FER: variants seen among roughly 807,000 people sequenced by gnomAD.
FER encodes the protein FER tyrosine kinase.
FER carries 63 observed loss-of-function variants against 111.0 expected under a neutral mutation model. That is an observed-to-expected ratio of 0.57 (90% confidence interval 0.46 to 0.70). The LOEUF (loss-of-function observed/expected upper bound fraction) is 0.70. FER is among the 30% of genes least tolerant of loss of function. The pLI is 0.00. For synonymous variants in FER, 327 were observed against 313.9 expected, an observed-to-expected ratio of 1.04 and a Z score of -0.44; for missense variants, 914 against 954.0, an observed-to-expected ratio of 0.96 and a Z score of 0.55.
At chr5:108,840,655 A>G (rs1405403586) in intron 5 of FER, among the ~76,000 whole-genome samples, 2 of 152,144 alleles carry the variant, frequency 1.3e-5, no homozygotes, top group Admixed American at 6.5e-5. Flanking sequence ...AAATTTAAGG[A>G]TAGTTCTAGA....
chr5:109,154,895 G>A (rs769016295), intron 17 of FER, among the ~76,000 whole-genome samples: 9 of 151,840 alleles, frequency 5.9e-5, no homozygotes, highest in Non-Finnish European at 1.2e-4. Flanking sequence ...CAGTGGCTTC[G>A]TGTATAAAAC....
Position 108,903,203 on chromosome 5 carries a change from C to T in FER, c.1236+5355C>T, listed in dbSNP as rs77321181. Among the ~76,000 whole-genome samples the T allele has an allele frequency of 7.8e-3, 1,185 of 152,134 alleles. 21 individuals carry two copies. Among genetic ancestry groups the T allele is most frequent in the African/African-American group, 0.027 (1,134 of 41,496 alleles). ...ATTAGCTAGTCTGTATGATAATTGC[C>T]TTTGTTTCTGAAATTGCACATTTTG... is the stretch of plus-strand genomic sequence containing the variant. On this transcript the variant is annotated intron_variant, in intron 10 of 19. Transcript: ENST00000281092.
chr5:108,961,511 C>T (rs1460961682), intron 13 of FER, among the ~76,000 whole-genome samples: 1 of 152,106 alleles, frequency 6.6e-6, no homozygotes, highest in Non-Finnish European at 1.5e-5. Flanking sequence ...TCTGATAGAA[C>T]TAGCTATGAA....
chr5:108,897,825 G>C lies in FER; in HGVS notation c.1213G>C (p.Asp405His), dbSNP rs755472885. The C allele has an allele frequency of 6.2e-7, 1 of 1,611,912 alleles. No individual in the cohort carries two copies. The highest frequency in any genetic ancestry group is 1.1e-5 in the South Asian group (1 of 90,676). The change falls in exon 10 of 20, where the codon GAT becomes CAT. Residue 405 changes from aspartate to histidine, a missense_variant. By Grantham distance (81) the Asp-to-His change is moderately conservative. Coordinates refer to ENST00000281092, the MANE Select transcript of FER (RefSeq NM_005246.4). ...EPPPVVNYEEDARSVTSMERK... is the reference protein window; with the variant it reads ...EPPPVVNYEEHARSVTSMERK... ...ACCTCCAGTAGTAAATTATGAAGAA[G>C]ATGCACGATCAGTTACATCTATGGT...
At chr5:108,833,054 A>G (rs1760215531) in intron 4 of FER, 111 bp downstream of exon 4, 2 of 922,686 alleles carry the variant, frequency 2.2e-6, no homozygotes, top group African/African-American at 1.7e-5. Context: ...CCAACAAGAA[A>G]TAGGTTTATG....
At chr5:108,898,289 C>G (rs1326316890) in intron 10 of FER, among the ~76,000 whole-genome samples, 9 of 152,026 alleles carry the variant, frequency 5.9e-5, no homozygotes, top group Admixed American at 3.9e-4. Context: ...TTTTTTTCTG[C>G]TCATAAATGT....
intron 13 of FER, among the ~76,000 whole-genome samples, chr5:109,034,953 T>G (rs1302464073): frequency 6.6e-6 from 1 of 151,940 alleles, no homozygotes; most frequent in Non-Finnish European, 1.5e-5. Context: ...AAAATGAACT[T>G]TATGGATGTG....
chr5:109,035,610 C>CT (rs1300730810), intron 13 of FER, among the ~76,000 whole-genome samples: 2 of 152,068 alleles, frequency 1.3e-5, no homozygotes, highest in African/African-American at 4.8e-5. Flanking sequence ...TTTGATGAAT[C>CT]TTTTTGTGGA....
In FER at chr5:108,962,086, C is replaced by T. The variant is rs1183247313; in HGVS notation, c.1656+2739C>T. Among the ~76,000 whole-genome samples the T allele has an allele frequency of 2.0e-5, 3 of 152,226 alleles. No individual in the cohort carries two copies. The East Asian group carries it at 5.8e-4, about 29-fold the overall frequency. On this transcript the variant is annotated intron_variant, in intron 13 of 19. Transcript: ENST00000281092. ...AATGGCCAAAGTAATCTCTTCCTTA[C>T]CTTCACATTTTTATGCACATTCACT... is the stretch of plus-strand genomic sequence containing the variant.
At chr5:109,029,376 T>C (rs1170099976) in intron 13 of FER, among the ~76,000 whole-genome samples, 2 of 150,454 alleles carry the variant, frequency 1.3e-5, no homozygotes, top group African/African-American at 4.9e-5. Flanking sequence ...TAGGTATATC[T>C]CCCAAGGCTT....
chr5:109,047,492 G>T (rs1002868303), intron 16 of FER, among the ~76,000 whole-genome samples: 4 of 152,182 alleles, frequency 2.6e-5, no homozygotes, highest in African/African-American at 9.7e-5. Flanking sequence ...GAAAAAGGCA[G>T]TGTACTTAGA....
At chr5:108,874,086 G>A (rs970899251) in intron 8 of FER, among the ~76,000 whole-genome samples, 1 of 152,074 alleles carries the variant, frequency 6.6e-6, no homozygotes, top group Non-Finnish European at 1.5e-5. Flanking sequence ...GTATATCTAA[G>A]GTTGTAAGGG....
chr5:109,186,255 C>G lies in FER; in HGVS notation c.2259C>G (p.Thr753=), dbSNP rs1758854817. 6.2e-7 allele frequency: 1 copy of G among 1,613,942 alleles called. No individual in the cohort carries two copies. ...VWSFGILLWE[T]FSLGVCPYPG... ...GCTTTGGCATCCTTCTCTGGGAGAC[C>G]TTCAGCTTAGGGGTTTGTCCGTACC... is the stretch of plus-strand genomic sequence containing the variant. The change falls in exon 19 of 20, where the codon ACC becomes ACG. Residue 753 remains threonine, a synonymous_variant. Transcript: ENST00000281092.
intron 10 of FER, among the ~76,000 whole-genome samples, chr5:108,908,941 C>A (rs957731979): frequency 7.9e-5 from 12 of 151,766 alleles, no homozygotes; most frequent in Admixed American, 3.9e-4. Flanking sequence ...TAAGGTGGGA[C>A]GATGGCTTGA....
At chr5:108,885,343 A>G (rs1746957808) in intron 9 of FER, among the ~76,000 whole-genome samples, 1 of 151,960 alleles carries the variant, frequency 6.6e-6, no homozygotes, top group African/African-American at 2.4e-5. Flanking sequence ...CATCCATTCT[A>G]TTATACCACA....
chr5:108,866,502 G>T (rs1764080516), intron 5 of FER, among the ~76,000 whole-genome samples: 1 of 151,828 alleles, frequency 6.6e-6, no homozygotes, highest in African/African-American at 2.4e-5. Flanking sequence ...AAGTTAATGG[G>T]TGCCACACAC....
intron 13 of FER, among the ~76,000 whole-genome samples, chr5:108,994,525 G>C (rs904286120): frequency 3.3e-5 from 5 of 152,152 alleles, no homozygotes; most frequent in Non-Finnish European, 7.4e-5. Context: ...TTGTAGTATA[G>C]TTTGAAGTTG....
chr5:108,754,954 G>C (rs1033254749), intron 1 of FER, among the ~76,000 whole-genome samples: 2 of 152,180 alleles, frequency 1.3e-5, no homozygotes, highest in Admixed American at 6.5e-5. Context: ...TCCAAGTGAA[G>C]ACTTAGTAGA....
chr5:109,111,882 A>T (rs1377215016), intron 17 of FER, among the ~76,000 whole-genome samples: 2 of 152,168 alleles, frequency 1.3e-5, no homozygotes, highest in Non-Finnish European at 2.9e-5. Flanking sequence ...TAGGGTGGGG[A>T]AACATAGCGA....
Sources: allele counts gnomAD v4.1 joint callset (sites outside exome capture counted in the v4.1 genomes callset), GRCh38; gene constraint gnomAD v4.1.1; transcripts MANE v1.5; gene names NCBI Gene and HGNC (gene_info 2026-07-23, HGNC 2026-07-21).